TNR: variants seen among roughly 807,000 people sequenced by gnomAD.
TNR encodes the protein tenascin-R.
Under a neutral mutation model 150.4 loss-of-function variants are expected in TNR, and 45 were observed. The observed-to-expected ratio is 0.30, with a 90% CI of 0.24 to 0.38. The LOEUF is 0.38. TNR is among the 10% of genes least tolerant of loss of function. TNR has a pLI of 1.00. For synonymous variants in TNR, 687 were observed against 678.4 expected, an observed-to-expected ratio of 1.01 and a Z score of -0.20; for missense variants, 1,544 against 1,759.1, an observed-to-expected ratio of 0.88 and a Z score of 2.19.
intron 11 of TNR, 113 bp from the exon 12 acceptor site, chr1:175,365,392 T>A: frequency 1.6e-6 from 2 of 1,234,798 alleles, no homozygotes; most frequent in Non-Finnish European, 2.2e-6. Flanking sequence ...GGGCCACACC[T>A]TCACCCACTA....
At chr1:175,572,073 T>A (rs1448704187) in intron 1 of TNR, among the ~76,000 whole-genome samples, 1 of 152,088 alleles carries the variant, frequency 6.6e-6, no homozygotes, top group Admixed American at 6.5e-5. Context: ...GTCTGTGCTG[T>A]CTGAGCACCT....
chr1:175,739,801 C>CTCTT (rs925501669), intron 1 of TNR, among the ~76,000 whole-genome samples: 1 of 152,198 alleles, frequency 6.6e-6, no homozygotes, highest in Non-Finnish European at 1.5e-5. Flanking sequence ...ATGAACTCTC[C>CTCTT]TCTTTCTTTC....
chr1:175,676,714 G>A (rs1165648360), intron 1 of TNR, among the ~76,000 whole-genome samples: 7 of 152,180 alleles, frequency 4.6e-5, no homozygotes, highest in Non-Finnish European at 7.3e-5. Context: ...ACTCCTAGTC[G>A]ATAATTATTC....
chr1:175,583,329 G>A (rs1481500201), intron 1 of TNR, among the ~76,000 whole-genome samples: 1 of 152,212 alleles, frequency 6.6e-6, no homozygotes, highest in African/African-American at 2.4e-5. Flanking sequence ...CAGTGCCTGT[G>A]AGAGCTGAAG....
At chr1:175,412,511 C>G (rs576549917) in intron 2 of TNR, among the ~76,000 whole-genome samples, 2 of 152,240 alleles carry the variant, frequency 1.3e-5, no homozygotes, top group South Asian at 4.2e-4. Context: ...AACCTTGATC[C>G]TAGAGGAGCT....
At position 175,354,507 on chromosome 1, in the gene TNR, G is replaced by C; in HGVS notation, c.3266C>G (p.Ala1089Gly). ...CTCCAGTCGAATCCAGGTGTCTTCT[G>C]CATCCACAATCAGCTCCTGTATAAT... ...DGSRKELIVD[A>G]EDTWIRLEGL... Residue 1089 changes from alanine to glycine, a missense_variant, in exon 18 of 23, where the codon GCA becomes GGA. Coordinates refer to ENST00000367674, the MANE Select transcript of TNR (RefSeq NM_003285.3). 6.2e-7 allele frequency: 1 copy of C among 1,614,074 alleles called. No homozygotes were observed. The highest frequency in any genetic ancestry group is 8.5e-7 in the Non-Finnish European group (1 of 1,179,986).
chr1:175,528,731 C>A (rs1329348812), intron 1 of TNR, among the ~76,000 whole-genome samples: 2 of 152,158 alleles, frequency 1.3e-5, no homozygotes, highest in Non-Finnish European at 2.9e-5. Context: ...CTCCAAAAGG[C>A]CTCCCATACA....
chr1:175,651,157 C>T (rs1664978272), intron 1 of TNR, among the ~76,000 whole-genome samples: 1 of 97,686 alleles, frequency 1.0e-5, no homozygotes, highest in African/African-American at 3.3e-5. Flanking sequence ...CTCCCCACCT[C>T]ATTATTCCAC....
intron 6 of TNR, among the ~76,000 whole-genome samples, chr1:175,393,572 T>C (rs1171864079): frequency 6.6e-6 from 1 of 152,192 alleles, no homozygotes; most frequent in African/African-American, 2.4e-5. Flanking sequence ...CAGGGTGCCA[T>C]GCTCAGGGCT....
chr1:175,646,800 T>C (rs1404383465), intron 1 of TNR, among the ~76,000 whole-genome samples: 1 of 152,244 alleles, frequency 6.6e-6, no homozygotes, highest in Non-Finnish European at 1.5e-5. Flanking sequence ...CACTCCTTAC[T>C]GTCTTCTGCC....
chr1:175,554,548 C>A (rs1015028732), intron 1 of TNR, among the ~76,000 whole-genome samples: 2 of 152,130 alleles, frequency 1.3e-5, no homozygotes, highest in Non-Finnish European at 2.9e-5. Context: ...GTAATTATTT[C>A]TCCTGTAGCT....
At chr1:175,653,462 A>G (rs563437686) in intron 1 of TNR, among the ~76,000 whole-genome samples, 1 of 152,364 alleles carries the variant, frequency 6.6e-6, no homozygotes, top group Admixed American at 6.5e-5. Flanking sequence ...AACAAAAACA[A>G]AAACAGCAGG....
At chr1:175,662,462 C>A (rs1233987363) in intron 1 of TNR, among the ~76,000 whole-genome samples, 1 of 152,174 alleles carries the variant, frequency 6.6e-6, no homozygotes, top group Non-Finnish European at 1.5e-5. Context: ...AGTCTTATCT[C>A]CCTACTGGGC....
chr1:175,335,897 T>G, intron 19 of TNR, 90 bp from the exon 20 acceptor site: 1 of 1,154,530 alleles, frequency 8.7e-7, no homozygotes. Context: ...ATAAGTAAAA[T>G]TGATATAACT....
chr1:175,329,333 T>C (rs1649585241), intron 21 of TNR, among the ~76,000 whole-genome samples: 1 of 152,232 alleles, frequency 6.6e-6, no homozygotes, highest in Non-Finnish European at 1.5e-5. Context: ...GGGAAACAGA[T>C]TGGCAAAGCC....
intron 1 of TNR, among the ~76,000 whole-genome samples, chr1:175,561,489 C>G (rs1041849167): frequency 4.6e-5 from 7 of 152,154 alleles, no homozygotes; most frequent in Non-Finnish European, 1.0e-4. Context: ...TAGCAGAGAA[C>G]CAGAAGGAAA....
chr1:175,508,587 A>C (rs1052295895), intron 2 of TNR, among the ~76,000 whole-genome samples: 1 of 152,240 alleles, frequency 6.6e-6, no homozygotes, highest in Non-Finnish European at 1.5e-5. Context: ...GGCAGTAGCC[A>C]GCTGCCATGT....
chr1:175,739,157 G>T (rs2101961174), intron 1 of TNR, among the ~76,000 whole-genome samples: 1 of 152,294 alleles, frequency 6.6e-6, no homozygotes, highest in East Asian at 1.9e-4. Context: ...TCAAAGGCAG[G>T]TGACCCCAGA....
At chr1:175,647,435 C>CA (rs397745737) in intron 1 of TNR, among the ~76,000 whole-genome samples, 39,718 of 121,398 alleles carry the variant, frequency 0.33, 5,993 homozygotes, top group East Asian at 0.52. Flanking sequence ...CTATTCGGTG[C>CA]AAAAAAAAAA....
Sources: allele counts gnomAD v4.1 joint callset (sites outside exome capture counted in the v4.1 genomes callset), GRCh38; gene constraint gnomAD v4.1.1; transcripts MANE v1.5; gene names NCBI Gene and HGNC (gene_info 2026-07-23, HGNC 2026-07-21).